Variants in ROBO2 observed in about 807,000 individuals in gnomAD.
The protein encoded by ROBO2 is roundabout homolog 2.
ROBO2 carries 53 observed loss-of-function variants against 160.8 expected under a neutral mutation model. The ratio of observed to expected loss-of-function variants is 0.33; its 90% CI spans 0.26 to 0.41. The LOEUF (loss-of-function observed/expected upper bound fraction) is 0.41, where lower values mean the gene tolerates loss of function less well. Among genes scored for constraint, ROBO2 ranks in the 10% least tolerant of loss-of-function variants. ROBO2 has a pLI of 1.00. For synonymous variants in ROBO2, 664 were observed against 611.7 expected (o/e 1.09, Z -1.26); for missense variants, 1,577 against 1,722.4 (o/e 0.92, Z 1.49).
chr3:76,832,345 C>A (rs948265370), intron 2 of ROBO2, among the ~76,000 whole-genome samples: 1 of 152,102 alleles, frequency 6.6e-6, no homozygotes, highest in Non-Finnish European at 1.5e-5. Context: ...GAAATTATAG[C>A]ACACTTATTA....
intron 2 of ROBO2, among the ~76,000 whole-genome samples, chr3:76,150,680 C>G (rs934503405): frequency 5.9e-5 from 9 of 152,126 alleles, no homozygotes; most frequent in Non-Finnish European, 1.5e-5. Context: ...ATCAGGGAGA[C>G]CTTCCCTGAC....
At chr3:77,204,111 AT>A (rs1199238723) in intron 2 of ROBO2, among the ~76,000 whole-genome samples, 1 of 152,118 alleles carries the variant, frequency 6.6e-6, no homozygotes, top group African/African-American at 2.4e-5. Context: ...GTTATGTAAA[AT>A]ATATTGAGGT....
intron 2 of ROBO2, among the ~76,000 whole-genome samples, chr3:76,732,099 A>C (rs1261524758): frequency 6.6e-6 from 1 of 152,184 alleles, no homozygotes; most frequent in East Asian, 1.9e-4. Flanking sequence ...AGAAACTGGA[A>C]GGAAGGAATG....
At chr3:76,828,134 G>C (rs1390597083) in intron 2 of ROBO2, among the ~76,000 whole-genome samples, 1 of 152,100 alleles carries the variant, frequency 6.6e-6, no homozygotes, top group Non-Finnish European at 1.5e-5. Flanking sequence ...GCAATCTGGA[G>C]AGACCTGAGT....
At chr3:77,483,099 G>A (rs143187077) in intron 4 of ROBO2, among the ~76,000 whole-genome samples, 24 of 152,200 alleles carry the variant, frequency 1.6e-4, no homozygotes, top group African/African-American at 5.1e-4. Context: ...GATTGAATTT[G>A]TCTAGAGGCA....
chr3:77,602,190 T>C lies in ROBO2; in HGVS notation c.2855-20T>C, dbSNP rs777671984. The C allele has an allele frequency of 1.2e-6, 2 of 1,614,088 alleles. No homozygotes were observed. The highest frequency in any genetic ancestry group is 1.1e-5 in the South Asian group (1 of 91,080). ...TCCGGTGCCTCATTAAATTGTTTCA[T>C]TTCCCTATGTTCACCACAGATGTGC... On this transcript the variant is annotated intron_variant, in intron 19 of 25. Transcript: ENST00000461745.
chr3:77,200,615 G>C (rs926553018), intron 2 of ROBO2, among the ~76,000 whole-genome samples: 2 of 151,884 alleles, frequency 1.3e-5, no homozygotes, highest in Non-Finnish European at 2.9e-5. Flanking sequence ...CAGACCAGCT[G>C]TTCTTTCCAT....
At position 76,091,814 on chromosome 3, in the gene ROBO2, G is replaced by A. The variant is rs573573323; in HGVS notation, c.109+154212G>A. Among the ~76,000 whole-genome samples the A allele has an allele frequency of 2.9e-4, 44 of 152,192 alleles. 1 individual carries two copies. Among genetic ancestry groups the A allele is most frequent in the East Asian group, 1.5e-3 (8 of 5,182 alleles). ...AGCTTCAATACACTAAGTGAAATAA[G>A]CCAATATGAAAAGGCTGCATACTGT... is the stretch of plus-strand genomic sequence containing the variant. On this transcript the variant is annotated intron_variant, in intron 2 of 26. Transcript: ENST00000487694.
intron 6 of ROBO2, 150 bp from the exon 8 acceptor site, chr3:77,546,188 T>C (rs2092690723): frequency 1.1e-6 from 1 of 877,750 alleles, no homozygotes; most frequent in African/African-American, 1.7e-5. Context: ...TGTCTTTCTT[T>C]TTGTGTTTTG....
intron 6 of ROBO2, chr3:77,539,000 C>G (rs1355642692): frequency 7.7e-6 from 3 of 390,228 alleles, no homozygotes; most frequent in Non-Finnish European, 1.0e-5. Flanking sequence ...TCACTGCAAG[C>G]TCCGCCTCCC....
At chr3:76,021,013 C>T (rs551333303) in intron 2 of ROBO2, among the ~76,000 whole-genome samples, 31 of 151,928 alleles carry the variant, frequency 2.0e-4, no homozygotes, top group African/African-American at 7.2e-4. Flanking sequence ...ATCATTCTCT[C>T]TCTCTCTTTC....
chr3:75,926,115 C>CA, intron 1 of ROBO2, among the ~76,000 whole-genome samples: 1 of 152,162 alleles, frequency 6.6e-6, no homozygotes, highest in South Asian at 2.1e-4. Flanking sequence ...GATATTCCTC[C>CA]AAAGAATAGA....
intron 2 of ROBO2, among the ~76,000 whole-genome samples, chr3:77,144,535 ACATGC>A (rs1334370397): frequency 6.6e-6 from 1 of 152,222 alleles, no homozygotes; most frequent in Non-Finnish European, 1.5e-5. Context: ...TATAAAACGC[ACATGC>A]ATAGGCATAT....
chr3:76,175,476 T>A (rs1184635815), intron 2 of ROBO2, among the ~76,000 whole-genome samples: 1 of 152,108 alleles, frequency 6.6e-6, no homozygotes, highest in South Asian at 2.1e-4. Context: ...AGAATAAAAT[T>A]TATAACGCAT....
intron 2 of ROBO2, among the ~76,000 whole-genome samples, chr3:77,295,091 A>C (rs571912451): frequency 1.3e-5 from 2 of 151,640 alleles, no homozygotes; most frequent in Admixed American, 1.3e-4. Flanking sequence ...GACATAAAGT[A>C]AATTTGACGG....
chr3:76,307,076 G>A (rs375222547), intron 2 of ROBO2, among the ~76,000 whole-genome samples: 3 of 152,070 alleles, frequency 2.0e-5, no homozygotes, highest in East Asian at 1.9e-4. Context: ...CCTGCCTACC[G>A]CTGCTACTCA....
intron 2 of ROBO2, among the ~76,000 whole-genome samples, chr3:77,454,460 GAC>G (rs1431607689): frequency 1.3e-5 from 2 of 152,070 alleles, no homozygotes; most frequent in Non-Finnish European, 2.9e-5. Flanking sequence ...GTTATATTAA[GAC>G]ACCCTTTCAT....
At chr3:76,032,785 A>G (rs953955147) in intron 2 of ROBO2, among the ~76,000 whole-genome samples, 2 of 152,050 alleles carry the variant, frequency 1.3e-5, no homozygotes, top group South Asian at 4.1e-4. Context: ...TTACATTTCT[A>G]ATGTAAAAAC....
At chr3:76,414,649 G>C (rs2108866519) in intron 2 of ROBO2, among the ~76,000 whole-genome samples, 1 of 149,604 alleles carries the variant, frequency 6.7e-6, no homozygotes, top group Non-Finnish European at 1.5e-5. Flanking sequence ...ATAGCATTGG[G>C]AGATATACCT....
Sources: allele counts gnomAD v4.1 joint callset (sites outside exome capture counted in the v4.1 genomes callset), GRCh38; gene constraint gnomAD v4.1.1; transcripts MANE v1.5; gene names NCBI Gene and HGNC (gene_info 2026-07-23, HGNC 2026-07-21).